PROZ: variants seen among roughly 807,000 people sequenced by gnomAD.
PROZ encodes the protein protein Z, vitamin K dependent plasma glycoprotein.
A neutral mutation model predicts 34.9 loss-of-function variants in PROZ; 46 were observed. The observed-to-expected ratio is 1.32, with a 90% CI of 1.04 to 1.69. The LOEUF is 1.69. PROZ is among the 40% of genes most tolerant of loss of function. The probability of loss-of-function intolerance (pLI) is 0.00; values close to 1 mark genes in which losing one functional copy is unlikely to be tolerated. For missense variants in PROZ, 530 were observed against 520.4 expected, an observed-to-expected ratio of 1.02 and a Z score of -0.18; for synonymous variants, 195 against 208.5, an observed-to-expected ratio of 0.94 and a Z score of 0.56.
At position 113,164,656 on chromosome 13, in the gene PROZ, G is replaced by A. The variant is rs781069917; in HGVS notation, c.505+12G>A. Reference sequence around the variant, plus strand: ...GTGTGTGCCCCACGGTGAGTGCTCAGACCACAGCGGCCTCCAGCTTCCAAT... The same window carrying A: ...GTGTGTGCCCCACGGTGAGTGCTCAAACCACAGCGGCCTCCAGCTTCCAAT... On this transcript the variant is annotated intron_variant, in intron 5 of 7. Transcript: ENST00000375547. 1 of 1,613,242 alleles carries A rather than the reference G, an allele frequency of 6.2e-7. No homozygotes were observed. The highest frequency in any genetic ancestry group is 8.5e-7 in the Non-Finnish European group (1 of 1,179,902).
intron 3 of PROZ, 118 bp from the exon 4 acceptor site, chr13:113,162,891 A>ACCCCCCCCCCCCCCCCC: frequency 3.5e-6 from 1 of 284,638 alleles, no homozygotes; most frequent in Non-Finnish European, 6.9e-6. Flanking sequence ...CCCTGCTGCC[A>ACCCCCCCCCCCCCCCCC]CCCCCCACTC....
Position 113,170,522 on chromosome 13 carries a change from TA to T in PROZ, c.688del (p.Thr230HisfsTer11). 6.5e-7 allele frequency: 1 copy of T among 1,541,618 alleles called. No individual in the cohort carries two copies. The highest frequency in any genetic ancestry group is 1.4e-5 in the African/African-American group (1 of 73,452). Reference sequence around the variant, plus strand: ...TCACTGTTACACAGGAATATTACTGTAAAAACATGTAAGTATTTTATCATGA... The same window carrying T: ...TCACTGTTACACAGGAATATTACTGTAAAACATGTAAGTATTTTATCATGA... ...KCSLLHRNIT[V>X]KTYFNRTSQD... On this transcript the variant is annotated frameshift_variant, in exon 7 of 8. Coordinates refer to ENST00000375547, the MANE Select transcript of PROZ (RefSeq NM_003891.3). LOFTEE classifies it low-confidence loss of function (END_TRUNC).
At chr13:113,162,886 CTG>C in intron 3 of PROZ, 121 bp from the exon 4 acceptor site, 1 of 675,982 alleles carries the variant, frequency 1.5e-6, no homozygotes, top group Non-Finnish European at 2.7e-6. Flanking sequence ...CCCGTCCCTG[CTG>C]CCACCCCCCA....
chr13:113,158,771 T>A lies in PROZ; in HGVS notation c.70+41T>A. On this transcript the variant is annotated intron_variant, in intron 1 of 7. Coordinates refer to ENST00000375547, the MANE Select transcript of PROZ (RefSeq NM_003891.3). The surrounding 1 kb of genome is among the most constrained non-coding windows in gnomAD (Gnocchi z 4.3). ...ACCTGTCTGTTGTGCCTGTGCTGTG[T>A]CTTTCTTGACTCGGTCCATGGTGGA... 6.4e-7 allele frequency: 1 copy of A among 1,551,324 alleles called. No individual in the cohort carries two copies. Among genetic ancestry groups the A allele is most frequent in the Non-Finnish European group, 8.8e-7 (1 of 1,142,264 alleles).
rs1308908301 is a variant in PROZ, at chr13:113,163,000, C to A, written c.260-9C>A. On this transcript the variant is annotated splice_polypyrimidine_tract_variant and intron_variant, in intron 3 of 7. Transcript: ENST00000375547. ...CACCACCACCCCAACCCCCATCCTC[C>A]TCCTGCAGGCGGCTCCCCGTGCATC... The A allele has an allele frequency of 1.3e-6, 2 of 1,541,638 alleles. No individual in the cohort carries two copies. The highest frequency in any genetic ancestry group is 2.0e-5 in the Admixed American group (1 of 50,984).
chr13:113,169,092 T>C (rs2037034100), intron 6 of PROZ, among the ~76,000 whole-genome samples: 2 of 152,150 alleles, frequency 1.3e-5, no homozygotes, highest in Admixed American at 1.3e-4. Context: ...TCTAATTACA[T>C]GTATCTTAAG....
In PROZ at chr13:113,159,757, G is replaced by A. The variant is rs2036728643; in HGVS notation, c.71-257G>A. Among the ~76,000 whole-genome samples, 1 of 152,220 alleles carries A rather than the reference G, an allele frequency of 6.6e-6. No individual in the cohort carries two copies. The highest frequency in any genetic ancestry group is 2.4e-5 in the African/African-American group (1 of 41,464). On this transcript the variant is annotated intron_variant, in intron 1 of 7. Coordinates refer to ENST00000375547, the MANE Select transcript of PROZ (RefSeq NM_003891.3). The surrounding 1 kb of genome is among the most constrained non-coding windows in gnomAD (Gnocchi z 4.6). The stretch of plus-strand genomic sequence containing the variant: ...GGAGCCCTCCCTCCTCCACTTTCCT[G>A]ACTGAGGCCCGTGGCCTCTCTGCAG...
chr13:113,165,671 C>T (rs984867706), intron 6 of PROZ, among the ~76,000 whole-genome samples: 1 of 152,176 alleles, frequency 6.6e-6, no homozygotes, highest in Non-Finnish European at 1.5e-5. Context: ...GCTGGGATTA[C>T]AGGAATGTGC....
chr13:113,159,993 G>T lies in PROZ; in HGVS notation c.71-21G>T. The T allele has an allele frequency of 6.2e-7, 1 of 1,613,430 alleles. No individual in the cohort carries two copies. The highest frequency in any genetic ancestry group is 8.5e-7 in the Non-Finnish European group (1 of 1,179,974). ...GGGCCCTCGGTGCTCCCAGTCACCT[G>T]CCTTCTTGTCTCGTCTGTAGTATTT... On this transcript the variant is annotated intron_variant, in intron 1 of 7. Transcript: ENST00000375547. The surrounding 1 kb of genome is among the most constrained non-coding windows in gnomAD (Gnocchi z 4.6).
chr13:113,162,891 A>ACCCCCCC, intron 3 of PROZ, 118 bp from the exon 4 acceptor site: 10 of 284,628 alleles, frequency 3.5e-5, no homozygotes, highest in South Asian at 5.0e-5. Context: ...CCCTGCTGCC[A>ACCCCCCC]CCCCCCACTC....
intron 2 of PROZ, 65 bp from the exon 3 acceptor site, chr13:113,160,883 C>T: frequency 7.2e-7 from 1 of 1,381,942 alleles, no homozygotes; most frequent in Non-Finnish European, 1.0e-6. Context: ...TCAAGTTCAT[C>T]TACAGGAAAG....
In PROZ at chr13:113,160,966, T is replaced by C. The variant is rs766619176; in HGVS notation, c.253T>C (p.Tyr85His). Residue 85 changes from tyrosine to histidine, a missense_variant, in exon 3 of 8, where the codon TAT (tyrosine) becomes CAT (histidine). Physicochemically the swap from Tyr to His is moderately conservative, Grantham distance 83 (BLOSUM62 2). Transcript: ENST00000375547. ...TCTAAAGGATGAATTCTGGAGACGA[T>C]ATAAGGGTAAGTGGTTTCCTTCGTC... ...EVVTDEFWRR[Y>H]KGGSPCISQP... The C allele has an allele frequency of 6.2e-7, 1 of 1,606,006 alleles. No homozygotes were observed. Among genetic ancestry groups the C allele is most frequent in the Non-Finnish European group, 8.5e-7 (1 of 1,173,158 alleles).
rs1027805146 is a variant in PROZ, at chr13:113,159,351, C to T, written c.70+621C>T. 3 of 1,348,668 alleles carry T rather than the reference C, an allele frequency of 2.2e-6. No individual in the cohort carries two copies. Among genetic ancestry groups the T allele is most frequent in the Admixed American group, 2.0e-5 (1 of 50,492 alleles). The allele number at this position is 1,348,668 out of a possible 1,614,324, so 83.5% of individuals were successfully genotyped here. ...CCACCCTGAGAGGGTGATCCCCCCG[C>T]CCTGCCCTGCCCAGCACTTACCGTA... On this transcript the variant is annotated intron_variant, in intron 1 of 7. Transcript: ENST00000375547. This position sits in a 1 kb window ranked among gnomAD's most constrained non-coding sequence, Gnocchi z 4.6.
Position 113,165,017 on chromosome 13 carries a change from C to T in PROZ, c.506-36C>T, listed in dbSNP as rs3024734. The T allele has an allele frequency of 1.1e-3, 1,762 of 1,606,088 alleles. 23 individuals are homozygous for T. The African/African-American group carries it at 0.021, about 19-fold the overall frequency. On this transcript the variant is annotated intron_variant, in intron 5 of 7. Transcript: ENST00000375547. ...GAGTCCGATATTCGCTGAGAAGGCG[C>T]TGATTTTTATTCTCATGTTGCTGCC... is the stretch of plus-strand genomic sequence containing the variant.
rs926242966 is a variant in PROZ, at chr13:113,171,408, C to G, written c.692-186C>G. Among the ~76,000 whole-genome samples the G allele has an allele frequency of 6.6e-5, 10 of 152,184 alleles. No homozygotes were observed. The highest frequency in any genetic ancestry group is 1.3e-4 in the Non-Finnish European group (9 of 68,032). The stretch of plus-strand genomic sequence containing the variant: ...AAAGGCTGTGGCACTTGGTTGCAAT[C>G]GTGCAATCTGTGAGTGGCCTTTCTG... On this transcript the variant is annotated intron_variant, in intron 7 of 7. Transcript: ENST00000375547. This position sits in a 1 kb window ranked among gnomAD's most constrained non-coding sequence, Gnocchi z 5.1.
intron 2 of PROZ, among the ~76,000 whole-genome samples, 156 bp downstream of exon 2, chr13:113,160,333 T>G (rs565765423): frequency 5.1e-4 from 77 of 152,148 alleles, no homozygotes; most frequent in African/African-American, 1.8e-3. Flanking sequence ...GGAAACAATT[T>G]AGAGAATCGA....
chr13:113,165,152 A>G, intron 6 of PROZ, 32 bp downstream of exon 6: 1 of 1,586,990 alleles, frequency 6.3e-7, no homozygotes, highest in Admixed American at 1.7e-5. Context: ...GCTTCAATTT[A>G]TTGTTATGAC....
chr13:113,161,575 G>T (rs1187694314), intron 3 of PROZ, among the ~76,000 whole-genome samples: 1 of 152,176 alleles, frequency 6.6e-6, no homozygotes, highest in East Asian at 1.9e-4. Flanking sequence ...GGCAGGGAAG[G>T]CCGGAGAAGG....
At position 113,171,820 on chromosome 13, in the gene PROZ, T is replaced by C. The variant is rs1377262164; in HGVS notation, c.918T>C (p.Asn306=). ...TRGLLSGWAR[N]GTDLGNSLTT... ...GCCTCCTCAGCGGCTGGGCACGCAA[T>C]GGCACTGACCTGGGCAACTCGCTGA... The change falls in exon 8 of 8, where the codon AAT becomes AAC. Residue 306 remains asparagine (N), a synonymous_variant. Coordinates refer to ENST00000375547, the MANE Select transcript of PROZ (RefSeq NM_003891.3). The surrounding 1 kb of genome is among the most constrained non-coding windows in gnomAD (Gnocchi z 5.1). The C allele has an allele frequency of 1.9e-6, 3 of 1,613,548 alleles. No homozygotes were observed. Among genetic ancestry groups the C allele is most frequent in the African/African-American group, 2.7e-5 (2 of 75,024 alleles).
Sources: gnomAD v4.1 joint callset for allele counts (sites outside exome capture counted in the v4.1 genomes callset) on GRCh38, gnomAD v4.1.1 for gene constraint, Gnocchi (gnomAD v3.1) non-coding constraint, MANE v1.5 for transcripts, NCBI Gene and HGNC (gene_info 2026-07-23, HGNC 2026-07-21) for gene names.